The following FAM180A variants were observed in gnomAD, a reference collection of about 807,000 sequenced individuals.
FAM180A encodes the protein protein FAM180A.
In FAM180A, 14 loss-of-function variants were observed where a neutral mutation model predicts 15.3. That is an observed-to-expected ratio of 0.92 (90% confidence interval 0.61 to 1.43). The LOEUF (loss-of-function observed/expected upper bound fraction) is 1.43. FAM180A is among the 40% of genes most tolerant of loss of function. The probability of loss-of-function intolerance (pLI) is 0.00; values close to 1 mark genes in which losing one functional copy is unlikely to be tolerated. For synonymous variants in FAM180A, 90 were observed against 96.8 expected (o/e 0.93, Z 0.41); for missense variants, 200 against 220.8 (o/e 0.91, Z 0.60).
intron 3 of FAM180A, among the ~76,000 whole-genome samples, chr7:135,731,456 G>A (rs947402521): frequency 3.3e-5 from 5 of 151,834 alleles, no homozygotes; most frequent in African/African-American, 1.2e-4. Context: ...AAGCAGAAGA[G>A]TCTTGGAGAT....
Position 135,729,826 on chromosome 7 carries a change from A to G in FAM180A, c.*785T>C. ...ACTCTCAAAAACAGAAAGCAGAATA[A>G]TGGTGCCAAGAGCTGGGGCAGGCAG... is the stretch of plus-strand genomic sequence containing the variant. On this transcript the variant is annotated 3_prime_UTR_variant, in exon 4 of 4. Transcript: ENST00000338588. The G allele has an allele frequency of 2.2e-6, 2 of 896,278 alleles. No homozygotes were observed. The highest frequency in any genetic ancestry group is 2.7e-6 in the Non-Finnish European group (2 of 748,610). 55.5% of individuals were successfully genotyped at this position (896,278 alleles called of 1,614,324 possible).
In FAM180A at chr7:135,748,482, C is replaced by T. The variant is rs375628496; in HGVS notation, c.76+23G>A. ...GAAAGTATAATGAGCATCAAACAAA[C>T]AAATGAATAAAAAGCAACTCACCCC... On this transcript the variant is annotated intron_variant, in intron 1 of 3. Transcript: ENST00000338588. The T allele has an allele frequency of 2.5e-6, 4 of 1,601,020 alleles. No individual in the cohort carries two copies. In the African/African-American group the frequency reaches 4.0e-5, roughly 16 times the overall value.
chr7:135,744,956 G>T (rs142045589), intron 1 of FAM180A, among the ~76,000 whole-genome samples: 3 of 152,040 alleles, frequency 2.0e-5, no homozygotes, highest in African/African-American at 7.2e-5. Context: ...GTGAAGTGGC[G>T]CAATCATAGC....
chr7:135,730,484 C>T (rs937989681), intron 3 of FAM180A, among the ~76,000 whole-genome samples: 1 of 152,044 alleles, frequency 6.6e-6, no homozygotes, highest in Non-Finnish European at 1.5e-5. Flanking sequence ...GCGGAGGTGC[C>T]ACTGCACTCC....
intron 2 of FAM180A, among the ~76,000 whole-genome samples, chr7:135,735,548 G>T (rs1796858107): frequency 6.6e-6 from 1 of 152,040 alleles, no homozygotes; most frequent in South Asian, 2.1e-4. Context: ...ATCCTCCATG[G>T]CACTGTCTAT....
At chr7:135,731,473 A>G (rs538491326) in intron 3 of FAM180A, among the ~76,000 whole-genome samples, 1 of 152,122 alleles carries the variant, frequency 6.6e-6, no homozygotes, top group African/African-American at 2.4e-5. Context: ...AGATGCATCA[A>G]AAAACAGATA....
At chr7:135,745,150 C>T (rs527855976) in intron 1 of FAM180A, among the ~76,000 whole-genome samples, 13 of 152,110 alleles carry the variant, frequency 8.5e-5, no homozygotes, top group South Asian at 2.1e-4. Flanking sequence ...CCACCGTGCC[C>T]GGCAGTCAGT....
chr7:135,734,885 T>A (rs77570221), intron 2 of FAM180A, among the ~76,000 whole-genome samples: 50 of 152,286 alleles, frequency 3.3e-4, no homozygotes, highest in Non-Finnish European at 5.9e-4. Flanking sequence ...ATAAAATTAC[T>A]GATTTTCTGT....
intron 1 of FAM180A, among the ~76,000 whole-genome samples, chr7:135,739,611 C>CAAAAA (rs1387899279): frequency 7.5e-6 from 1 of 132,522 alleles, no homozygotes; most frequent in Non-Finnish European, 1.6e-5. Context: ...GACTCTGTCT[C>CAAAAA]AAAAACAAAA....
rs563900932 is a variant in FAM180A at position 135,736,084 on chromosome 7, G to A, written c.177+1015C>T. Among the ~76,000 whole-genome samples, 28 of 150,422 alleles carry A rather than the reference G, an allele frequency of 1.9e-4. No individual in the cohort carries two copies. In the South Asian group the frequency reaches 3.0e-3, roughly 16 times the overall value. ...ATTGTCCAGGCTGGAGTGCAGTGGC[G>A]TGATCTCGGCTCACTGCAACCTCCA... On this transcript the variant is annotated intron_variant, in intron 2 of 3. Coordinates refer to ENST00000338588, the MANE Select transcript of FAM180A (RefSeq NM_205855.4).
intron 3 of FAM180A, among the ~76,000 whole-genome samples, chr7:135,732,980 C>T (rs1401277116): frequency 6.6e-6 from 1 of 152,158 alleles, no homozygotes. Context: ...TTGGGAGACT[C>T]TTTGTGCATT....
chr7:135,737,179 G>A lies in FAM180A; in HGVS notation c.97C>T (p.His33Tyr), dbSNP rs1311748179. 1 of 1,606,814 alleles carries A rather than the reference G, an allele frequency of 6.2e-7. No homozygotes were observed. Among genetic ancestry groups the A allele is most frequent in the South Asian group, 1.1e-5 (1 of 89,652 alleles). The change falls in exon 2 of 4, where the codon CAC becomes TAC. Residue 33 changes from histidine to tyrosine, a missense_variant. By Grantham distance (83) the His-to-Tyr change is moderately conservative (BLOSUM62 2). Transcript: ENST00000338588. ...AGTGATGAGGACCTCTTTGGCCGGT[G>A]GGCGGCAGGGAAGAGCACAGCTGAA... ...WSRAVLFPAA[H>Y]RPKRSSSLPL... is the part of the protein sequence containing the mutation.
chr7:135,740,674 T>G (rs552615246), intron 1 of FAM180A, among the ~76,000 whole-genome samples: 28 of 152,156 alleles, frequency 1.8e-4, no homozygotes, highest in Admixed American at 5.9e-4. Context: ...CCTTACAAGG[T>G]CATCTGAAGA....
intron 2 of FAM180A, among the ~76,000 whole-genome samples, chr7:135,736,232 A>G (rs967158572): frequency 3.9e-5 from 6 of 152,152 alleles, no homozygotes; most frequent in East Asian, 1.9e-4. Flanking sequence ...CGTGTTGGCC[A>G]GGCTGGTCTT....
At chr7:135,745,780 G>A (rs966554937) in intron 1 of FAM180A, among the ~76,000 whole-genome samples, 4 of 151,972 alleles carry the variant, frequency 2.6e-5, no homozygotes, top group Non-Finnish European at 5.9e-5. Context: ...TGGTGGGGCT[G>A]GGGGCCAAAG....
intron 1 of FAM180A, among the ~76,000 whole-genome samples, chr7:135,740,462 G>A (rs1796929807): frequency 6.6e-6 from 1 of 152,074 alleles, no homozygotes; most frequent in African/African-American, 2.4e-5. Flanking sequence ...CGATTCATCC[G>A]GGCACTTTTA....
chr7:135,741,236 T>C (rs1248421533), intron 1 of FAM180A, among the ~76,000 whole-genome samples: 1 of 152,240 alleles, frequency 6.6e-6, no homozygotes, highest in Non-Finnish European at 1.5e-5. Flanking sequence ...AATGGAAACT[T>C]TGTCATTTCC....
At chr7:135,744,356 TC>T (rs1316402000) in intron 1 of FAM180A, among the ~76,000 whole-genome samples, 1 of 152,172 alleles carries the variant, frequency 6.6e-6, no homozygotes, top group Non-Finnish European at 1.5e-5. Context: ...CAAGCCAAAC[TC>T]CAACTGTATT....
intron 3 of FAM180A, among the ~76,000 whole-genome samples, chr7:135,731,967 C>T (rs1363916221): frequency 6.6e-6 from 1 of 152,172 alleles, no homozygotes; most frequent in Non-Finnish European, 1.5e-5. Flanking sequence ...GCTTGCTGAG[C>T]TCAGCTGTAA....
Sources: gnomAD v4.1 joint callset for allele counts (sites outside exome capture counted in the v4.1 genomes callset) on GRCh38, gnomAD v4.1.1 for gene constraint, MANE v1.5 for transcripts, NCBI Gene and HGNC (gene_info 2026-07-23, HGNC 2026-07-21) for gene names.